Variants in KCNQ3 observed in about 807,000 individuals in gnomAD.
KCNQ3 encodes the protein potassium voltage-gated channel subfamily KQT member 3.
Under a neutral mutation model 92.5 loss-of-function variants are expected in KCNQ3, and 30 were observed. The observed-to-expected ratio is 0.32, with a 90% CI of 0.24 to 0.44. The LOEUF is 0.44. Ranked by LOEUF, KCNQ3 falls within the 20% of genes least tolerant of loss-of-function variation. KCNQ3 has a pLI of 1.00. For missense variants in KCNQ3, 913 were observed against 1,140.3 expected, an observed-to-expected ratio of 0.80 and a Z score of 2.87; for synonymous variants, 450 against 468.8, an observed-to-expected ratio of 0.96 and a Z score of 0.52.
chr8:132,213,948 G>T (rs1039082257), intron 1 of KCNQ3, among the ~76,000 whole-genome samples: 1 of 152,090 alleles, frequency 6.6e-6, no homozygotes, highest in Non-Finnish European at 1.5e-5. Flanking sequence ...TTTTCTCCTT[G>T]AAATGAGGAC....
chr8:132,180,343 C>T lies in KCNQ3; in HGVS notation c.605-14G>A. On this transcript the variant is annotated splice_polypyrimidine_tract_variant and intron_variant, in intron 3 of 14. Transcript: ENST00000388996. Reference sequence around the variant, plus strand: ...GCACAAAGATGTCTGGGAGAGAGGACAGACAGAGTGGGAGGGAAGAGGGAA... The same window carrying T: ...GCACAAAGATGTCTGGGAGAGAGGATAGACAGAGTGGGAGGGAAGAGGGAA... 3 of 1,613,586 alleles carry T rather than the reference C, an allele frequency of 1.9e-6. No individual in the cohort carries two copies. In the South Asian group the frequency reaches 3.3e-5, roughly 18 times the overall value.
chr8:132,219,738 G>T (rs1814157433), intron 1 of KCNQ3, among the ~76,000 whole-genome samples: 1 of 151,670 alleles, frequency 6.6e-6, no homozygotes, highest in Admixed American at 6.6e-5. Flanking sequence ...TAATCCTCTT[G>T]TCCTGCCTCA....
intron 1 of KCNQ3, among the ~76,000 whole-genome samples, chr8:132,196,730 G>A (rs963275096): frequency 2.0e-5 from 3 of 152,198 alleles, no homozygotes; most frequent in African/African-American, 7.2e-5. Context: ...GCCTGTCAGG[G>A]CTATTATCAT....
chr8:132,276,952 C>G (rs998943133), intron 1 of KCNQ3, among the ~76,000 whole-genome samples: 2 of 152,160 alleles, frequency 1.3e-5, no homozygotes, highest in African/African-American at 4.8e-5. Flanking sequence ...AATGCTCCTT[C>G]AACTTTCTCA....
At chr8:132,202,727 G>A (rs1827499880) in intron 1 of KCNQ3, among the ~76,000 whole-genome samples, 2 of 152,038 alleles carry the variant, frequency 1.3e-5, no homozygotes, top group South Asian at 4.1e-4. Flanking sequence ...CATCCAAATG[G>A]CTTTTACCAC....
intron 1 of KCNQ3, among the ~76,000 whole-genome samples, chr8:132,202,967 C>A (rs764549093): frequency 1.1e-5 from 1 of 94,272 alleles, no homozygotes; most frequent in Non-Finnish European, 2.4e-5. Context: ...ACGGACTGGG[C>A]AATTTATTTT....
chr8:132,190,923 C>G (rs1002093468), intron 1 of KCNQ3, among the ~76,000 whole-genome samples: 1 of 152,196 alleles, frequency 6.6e-6, no homozygotes, highest in African/African-American at 2.4e-5. Flanking sequence ...TCATGGAGGG[C>G]AGAGACTATG....
chr8:132,230,742 C>T (rs1540463), intron 1 of KCNQ3, among the ~76,000 whole-genome samples: 12,322 of 152,224 alleles, frequency 0.081, 837 homozygotes, highest in African/African-American at 0.19. Context: ...GTGTGTATAA[C>T]ACTTTGCTGT....
At chr8:132,186,933 T>TGAGAGA (rs1206881344) in intron 1 of KCNQ3, among the ~76,000 whole-genome samples, 13 of 106,492 alleles carry the variant, frequency 1.2e-4, no homozygotes, top group African/African-American at 4.8e-4. Context: ...TGTGTGTGTG[T>TGAGAGA]GAGAGAGAGA....
rs116607116 is a variant in KCNQ3, at chr8:132,212,178, A to T, written c.387-25997T>A. On this transcript the variant is annotated intron_variant, in intron 1 of 14. Transcript: ENST00000388996. ...GCTCAGCTGACCCTGATTATATTTG[A>T]CTCATCACACACAGAACATAGGCTC... Among the ~76,000 whole-genome samples the T allele has an allele frequency of 3.5e-3, 526 of 151,964 alleles. 2 individuals carry two copies. The highest frequency in any genetic ancestry group is 0.012 in the African/African-American group (496 of 41,432).
At chr8:132,175,226 C>A (rs1220172848) in intron 5 of KCNQ3, among the ~76,000 whole-genome samples, 1 of 152,236 alleles carries the variant, frequency 6.6e-6, no homozygotes, top group Non-Finnish European at 1.5e-5. Flanking sequence ...TGCAACCAGG[C>A]TGTTCCAAGC....
intron 1 of KCNQ3, among the ~76,000 whole-genome samples, chr8:132,301,186 G>C (rs926615287): frequency 6.6e-6 from 1 of 152,092 alleles, no homozygotes; most frequent in African/African-American, 2.4e-5. Context: ...CAGCGAATGT[G>C]CTCTATTTCT....
chr8:132,327,184 T>C lies in KCNQ3; in HGVS notation c.387-141003A>G, dbSNP rs572168116. Among the ~76,000 whole-genome samples, 12 of 152,350 alleles carry C rather than the reference T, an allele frequency of 7.9e-5. No homozygotes were observed. The South Asian group carries it at 1.2e-3, about 16-fold the overall frequency. ...TTTGACAAATTTGTTCCCTGTTTTA[T>C]GGCCTTTAACACATGCAGGATCTCA... On this transcript the variant is annotated intron_variant, in intron 1 of 14. Transcript: ENST00000388996.
At chr8:132,399,188 T>C (rs1157121260) in intron 1 of KCNQ3, among the ~76,000 whole-genome samples, 1 of 152,226 alleles carries the variant, frequency 6.6e-6, no homozygotes, top group Non-Finnish European at 1.5e-5. Flanking sequence ...CAGGTTCTTA[T>C]TAACAATGTT....
At chr8:132,405,666 C>T (rs1820457137) in intron 1 of KCNQ3, among the ~76,000 whole-genome samples, 1 of 152,178 alleles carries the variant, frequency 6.6e-6, no homozygotes, top group Non-Finnish European at 1.5e-5. Flanking sequence ...TGTCGACCAA[C>T]TCTACGTTCA....
chr8:132,277,423 G>A, intron 1 of KCNQ3, among the ~76,000 whole-genome samples: 1 of 152,206 alleles, frequency 6.6e-6, no homozygotes, highest in East Asian at 1.9e-4. Context: ...GAGCATCACA[G>A]ATAGTGTGGA....
At chr8:132,449,398 AGTG>A (rs1821768826) in intron 1 of KCNQ3, among the ~76,000 whole-genome samples, 1 of 151,896 alleles carries the variant, frequency 6.6e-6, no homozygotes, top group South Asian at 2.1e-4. Flanking sequence ...AACATAGTAC[AGTG>A]GTCAATTTCC....
At chr8:132,163,191 T>C (rs913762385) in intron 9 of KCNQ3, among the ~76,000 whole-genome samples, 1 of 152,142 alleles carries the variant, frequency 6.6e-6, no homozygotes, top group South Asian at 2.1e-4. Flanking sequence ...CTATCTTACA[T>C]TGTGGTTATG....
chr8:132,456,141 TC>T (rs1011368614), intron 1 of KCNQ3, among the ~76,000 whole-genome samples: 2 of 152,088 alleles, frequency 1.3e-5, no homozygotes, highest in Non-Finnish European at 2.9e-5. Context: ...AAATTCAGAC[TC>T]CCCATAGTCT....
Sources: allele counts gnomAD v4.1 joint callset (sites outside exome capture counted in the v4.1 genomes callset), GRCh38; gene constraint gnomAD v4.1.1; transcripts MANE v1.5; gene names NCBI Gene and HGNC (gene_info 2026-07-23, HGNC 2026-07-21).